The following GALNT9 variants were observed in gnomAD, a reference collection of about 807,000 sequenced individuals.
The protein encoded by GALNT9 is polypeptide N-acetylgalactosaminyltransferase 9, also known as GalNAc transferase 9.
A neutral mutation model predicts 63.1 loss-of-function variants in GALNT9; 47 were observed. That is an observed-to-expected ratio of 0.75 (90% CI 0.59 to 0.95). The LOEUF is 0.95. Among genes scored for constraint, GALNT9 ranks in the 40% least tolerant of loss-of-function variants. The probability of loss-of-function intolerance (pLI) is 0.00; values close to 1 mark genes in which losing one functional copy is unlikely to be tolerated. For synonymous variants in GALNT9, 396 were observed against 365.7 expected (o/e 1.08, Z -0.94); for missense variants, 829 against 874.8 (o/e 0.95, Z 0.66).
At position 132,197,033 on chromosome 12, in the gene GALNT9, AC is replaced by A; in HGVS notation, c.*73del. On this transcript the variant is annotated 3_prime_UTR_variant, in exon 11 of 11. Transcript: ENST00000328957. ...CTGTCCTGCTGTGTCTGCCGGGCACACCCCGGTCACTCAGCCACACTGGCTC... is the reference window on the plus strand; with the variant it reads ...CTGTCCTGCTGTGTCTGCCGGGCACACCCGGTCACTCAGCCACACTGGCTC... 1.3e-6 allele frequency: 2 copies of A among 1,584,584 alleles called. No homozygotes were observed. Among genetic ancestry groups the A allele is most frequent in the Non-Finnish European group, 1.7e-6 (2 of 1,163,452 alleles).
intron 2 of GALNT9, among the ~76,000 whole-genome samples, chr12:132,269,213 C>G (rs1302991913): frequency 6.6e-6 from 1 of 151,588 alleles, no homozygotes; most frequent in Non-Finnish European, 1.5e-5. Context: ...CGGGAGGCAG[C>G]GTCACCTGCC....
intron 6 of GALNT9, among the ~76,000 whole-genome samples, chr12:132,209,427 G>A (rs1161839031): frequency 6.6e-6 from 1 of 152,058 alleles, no homozygotes; most frequent in African/African-American, 2.4e-5. Context: ...GCGTGCACCT[G>A]TAGTCCCAGC....
intron 6 of GALNT9, among the ~76,000 whole-genome samples, chr12:132,222,867 A>C (rs1877506859): frequency 7.8e-6 from 1 of 128,356 alleles, no homozygotes; most frequent in African/African-American, 3.0e-5. Flanking sequence ...CAGACACGCC[A>C]CACAACACAC....
chr12:132,201,491 C>G (rs375113705), intron 7 of GALNT9, among the ~76,000 whole-genome samples: 2 of 152,184 alleles, frequency 1.3e-5, no homozygotes, highest in Non-Finnish European at 2.9e-5. Flanking sequence ...AGGCCAGCCC[C>G]GGCCTGGACA....
chr12:132,243,294 G>T, intron 6 of GALNT9, among the ~76,000 whole-genome samples: 1 of 142,034 alleles, frequency 7.0e-6, no homozygotes, highest in African/African-American at 3.0e-5. Context: ...ACTTCCCGGG[G>T]CCCTCCCTAT....
intron 1 of GALNT9, among the ~76,000 whole-genome samples, chr12:132,294,011 A>C (rs1555243010): frequency 6.6e-6 from 1 of 152,276 alleles, no homozygotes; most frequent in African/African-American, 2.4e-5. Flanking sequence ...TGGCCGTGGA[A>C]GACCACGAGC....
rs1352579823 is a variant in GALNT9 at position 132,282,420 on chromosome 12, T to TGCGTGTGTGC, written c.419+3820_419+3829dup. ...GTGTGTGCGCGTGTGTGCGTGTGTG[T>TGCGTGTGTGC]GCGTGTGTGCGTGCATGCGTGTGTG... On this transcript the variant is annotated intron_variant, in intron 2 of 10. Transcript: ENST00000328957. This position sits in a 1 kb window ranked among gnomAD's most constrained non-coding sequence, Gnocchi z 4.5. Among the ~76,000 whole-genome samples, 5 of 151,254 alleles carry TGCGTGTGTGC rather than the reference T, an allele frequency of 3.3e-5. No individual in the cohort carries two copies. The East Asian group carries it at 9.9e-4, about 30-fold the overall frequency.
At chr12:132,293,065 C>T (rs971035663) in intron 1 of GALNT9, among the ~76,000 whole-genome samples, 2 of 152,020 alleles carry the variant, frequency 1.3e-5, no homozygotes, top group Admixed American at 6.6e-5. Flanking sequence ...GCCAGGGCTG[C>T]CATAATCAGG....
chr12:132,257,421 G>A (rs1342737099), intron 5 of GALNT9, among the ~76,000 whole-genome samples: 2 of 72,866 alleles, frequency 2.7e-5, no homozygotes, highest in Non-Finnish European at 6.4e-5. Context: ...GCTTGCTGGG[G>A]GACGTCCCCA....
chr12:132,199,505 A>G (rs953149394), intron 8 of GALNT9, among the ~76,000 whole-genome samples: 2 of 152,104 alleles, frequency 1.3e-5, no homozygotes, highest in African/African-American at 2.4e-5. Flanking sequence ...CCATCACTCC[A>G]TAGGGGAACA....
Position 132,246,593 on chromosome 12 carries a change from T to A in GALNT9, c.1077+1317A>T, listed in dbSNP as rs914958619. 6.6e-6 allele frequency among the ~76,000 whole-genome samples: 1 copy of A among 152,200 alleles called. No homozygotes were observed. The highest frequency in any genetic ancestry group is 2.4e-5 in the African/African-American group (1 of 41,452). On this transcript the variant is annotated intron_variant, in intron 6 of 10. Transcript: ENST00000328957. This position sits in a 1 kb window ranked among gnomAD's most constrained non-coding sequence, Gnocchi z 4.7. Reference sequence around the variant, plus strand: ...TGTCACCCAGGCTGGAGTGCAGTGATGCGATCTCAGCTCACTGCAATTTCC... The same window carrying A: ...TGTCACCCAGGCTGGAGTGCAGTGAAGCGATCTCAGCTCACTGCAATTTCC...
At chr12:132,229,743 C>T (rs889678043) in intron 6 of GALNT9, among the ~76,000 whole-genome samples, 1 of 152,366 alleles carries the variant, frequency 6.6e-6, no homozygotes, top group East Asian at 1.9e-4. Flanking sequence ...TGGTCACCGG[C>T]ATCTGTGAAG....
intron 6 of GALNT9, among the ~76,000 whole-genome samples, chr12:132,243,623 C>G (rs1469894598): frequency 6.6e-6 from 1 of 152,220 alleles, no homozygotes; most frequent in African/African-American, 2.4e-5. Flanking sequence ...CTGTCATCCC[C>G]TCAAACTGCT....
rs1317548180 is a variant in GALNT9, at chr12:132,197,040, T to A, written c.*67A>T. The A allele has an allele frequency of 1.7e-5, 27 of 1,589,648 alleles. No homozygotes were observed. Among genetic ancestry groups the A allele is most frequent in the Non-Finnish European group, 2.3e-5 (27 of 1,165,460 alleles). On this transcript the variant is annotated 3_prime_UTR_variant, in exon 11 of 11. Transcript: ENST00000328957. ...GCTGTGTCTGCCGGGCACACCCCGGTCACTCAGCCACACTGGCTCGGCCCA... is the reference window on the plus strand; with the variant it reads ...GCTGTGTCTGCCGGGCACACCCCGGACACTCAGCCACACTGGCTCGGCCCA...
chr12:132,286,557 C>A lies in GALNT9; in HGVS notation c.239-127G>T. 4.3e-6 allele frequency: 6 copies of A among 1,380,528 alleles called. No individual in the cohort carries two copies. The highest frequency in any genetic ancestry group is 4.8e-6 in the Non-Finnish European group (5 of 1,049,152). 85.5% of individuals were successfully genotyped at this position (1,380,528 alleles called of 1,614,324 possible). On this transcript the variant is annotated intron_variant, in intron 1 of 10. Transcript: ENST00000328957. The surrounding 1 kb of genome is among the most constrained non-coding windows in gnomAD (Gnocchi z 7.4). The stretch of plus-strand genomic sequence containing the variant: ...CGGTACAAGCCCAGCAAACTCCCTG[C>A]AGATGGCAGGCTGCCAGCTCAGGAC...
At position 132,281,166 on chromosome 12, in the gene GALNT9, A is replaced by G. The variant is rs375014792; in HGVS notation, c.419+5084T>C. 9.8e-5 allele frequency among the ~76,000 whole-genome samples: 15 copies of G among 152,358 alleles called. No individual in the cohort carries two copies. In the East Asian group the frequency reaches 1.2e-3, roughly 12 times the overall value. On this transcript the variant is annotated intron_variant, in intron 2 of 10. Coordinates refer to ENST00000328957, the MANE Select transcript of GALNT9 (RefSeq NM_001122636.2). ...TCTCCACCCAAGCTCCTTTTAGGAA[A>G]GTGGTTCCTGGGAAGATGGATAAGA...
Position 132,286,670 on chromosome 12 carries a change from G to C in GALNT9, c.239-240C>G, listed in dbSNP as rs1401253527. Among the ~76,000 whole-genome samples the C allele has an allele frequency of 6.6e-6, 1 of 152,216 alleles. No homozygotes were observed. Among genetic ancestry groups the C allele is most frequent in the East Asian group, 1.9e-4 (1 of 5,188 alleles). On this transcript the variant is annotated intron_variant, in intron 1 of 10. Transcript: ENST00000328957. This position sits in a 1 kb window ranked among gnomAD's most constrained non-coding sequence, Gnocchi z 7.4. ...ATGAATGGGTGGTACATGAGGCGTT[G>C]AAGGCAGTGGACTCTGTGTGATGCT...
rs574487874 is a variant in GALNT9 at position 132,264,739 on chromosome 12, A to G, written c.420-2114T>C. Reference sequence around the variant, plus strand: ...ACCAATCGCTGTGGCCAGAGGAAATAGGGCACTCAGATTGGCTTATGCTCC... The same window carrying G: ...ACCAATCGCTGTGGCCAGAGGAAATGGGGCACTCAGATTGGCTTATGCTCC... On this transcript the variant is annotated intron_variant, in intron 2 of 10. Coordinates refer to ENST00000328957, the MANE Select transcript of GALNT9 (RefSeq NM_001122636.2). Among the ~76,000 whole-genome samples the G allele has an allele frequency of 1.1e-4, 17 of 152,308 alleles. 1 individual carries two copies. The highest frequency in any genetic ancestry group is 2.1e-4 in the South Asian group (1 of 4,832).
At position 132,196,910 on chromosome 12, in the gene GALNT9, C is replaced by G; in HGVS notation, c.*197G>C. ...CCTCCCTCGGGTAGAGCCGCCTGTC[C>G]TAGGAGAAGCTGTACTCCAGATGCA... is the stretch of plus-strand genomic sequence containing the variant. On this transcript the variant is annotated 3_prime_UTR_variant, in exon 11 of 11. Transcript: ENST00000328957. The G allele has an allele frequency of 7.0e-7, 1 of 1,418,618 alleles. No individual in the cohort carries two copies. Among genetic ancestry groups the G allele is most frequent in the Non-Finnish European group, 9.2e-7 (1 of 1,088,992 alleles). 87.9% of individuals were successfully genotyped at this position (1,418,618 alleles called of 1,614,324 possible).
Sources: gnomAD v4.1 joint callset for allele counts (sites outside exome capture counted in the v4.1 genomes callset) on GRCh38, gnomAD v4.1.1 for gene constraint, Gnocchi (gnomAD v3.1) non-coding constraint, MANE v1.5 for transcripts, NCBI Gene and HGNC (gene_info 2026-07-23, HGNC 2026-07-21) for gene names.